Variants in ADAMTS17 observed in about 807,000 individuals in gnomAD.
ADAMTS17 encodes ADAM metallopeptidase with thrombospondin type 1 motif 17.
In ADAMTS17, 113 loss-of-function variants were observed where a neutral mutation model predicts 141.5. The observed-to-expected ratio is 0.80, with a 90% CI of 0.69 to 0.93. The LOEUF is 0.93. Ranked by LOEUF, ADAMTS17 falls within the 40% of genes least tolerant of loss-of-function variation. The probability of loss-of-function intolerance (pLI) is 0.00; values close to 1 mark genes in which losing one functional copy is unlikely to be tolerated. For synonymous variants in ADAMTS17, 768 were observed against 630.6 expected (o/e 1.22, Z -3.27); for missense variants, 1,659 against 1,517.9 (o/e 1.09, Z -1.54).
chr15:100,224,278 C>G (rs1357696735), intron 7 of ADAMTS17, among the ~76,000 whole-genome samples: 1 of 152,206 alleles, frequency 6.6e-6, no homozygotes, highest in African/African-American at 2.4e-5. Context: ...AGAGCAGAGA[C>G]AGAGCAAATG....
At chr15:100,058,179 CT>C in intron 15 of ADAMTS17, among the ~76,000 whole-genome samples, 1 of 48,856 alleles carries the variant, frequency 2.0e-5, no homozygotes. Context: ...CCTATCCCGG[CT>C]CTAACACCCC....
At chr15:100,224,651 T>C (rs2042241563) in intron 7 of ADAMTS17, among the ~76,000 whole-genome samples, 1 of 152,192 alleles carries the variant, frequency 6.6e-6, no homozygotes, top group Admixed American at 6.5e-5. Context: ...TCCCCAGTAC[T>C]CTCTCTGATC....
At chr15:100,334,963 G>A (rs1567550781) in intron 2 of ADAMTS17, among the ~76,000 whole-genome samples, 1 of 152,038 alleles carries the variant, frequency 6.6e-6, no homozygotes, top group Non-Finnish European at 1.5e-5. Context: ...TGCTCTAAGT[G>A]CTCCCCTCGT....
chr15:100,304,808 A>AT (rs2045166634), intron 3 of ADAMTS17, among the ~76,000 whole-genome samples: 1 of 152,048 alleles, frequency 6.6e-6, no homozygotes, highest in Admixed American at 6.6e-5. Flanking sequence ...TTATACATGG[A>AT]TTTTCACCTC....
At chr15:100,316,208 C>T (rs927832279) in intron 3 of ADAMTS17, among the ~76,000 whole-genome samples, 1 of 152,198 alleles carries the variant, frequency 6.6e-6, no homozygotes, top group African/African-American at 2.4e-5. Flanking sequence ...AGGATGCCCT[C>T]CTGAGGTACC....
intron 18 of ADAMTS17, among the ~76,000 whole-genome samples, chr15:100,034,973 G>T (rs936125255): frequency 1.3e-5 from 2 of 152,172 alleles, no homozygotes; most frequent in Non-Finnish European, 2.9e-5. Context: ...GAGCTGGAAG[G>T]CCACCTTCCT....
intron 8 of ADAMTS17, among the ~76,000 whole-genome samples, chr15:100,188,601 T>C (rs2040808019): frequency 6.6e-6 from 1 of 152,200 alleles, no homozygotes; most frequent in South Asian, 2.1e-4. Flanking sequence ...TTTGATGTGC[T>C]CAAGTTTAGC....
intron 15 of ADAMTS17, 34 bp downstream of exon 15, chr15:100,096,322 T>C (rs1266302284): frequency 1.2e-6 from 2 of 1,611,272 alleles, no homozygotes; most frequent in East Asian, 2.2e-5. Flanking sequence ...CACAAAACAC[T>C]GTAGCCACAG....
At chr15:100,037,432 A>G (rs1174406024) in intron 18 of ADAMTS17, among the ~76,000 whole-genome samples, 1 of 146,482 alleles carries the variant, frequency 6.8e-6, no homozygotes, top group Non-Finnish European at 1.5e-5. Context: ...TCTTTTTGAG[A>G]CAGAGTCTCA....
intron 15 of ADAMTS17, among the ~76,000 whole-genome samples, chr15:100,064,410 G>T (rs551811494): frequency 6.6e-6 from 1 of 152,158 alleles, no homozygotes. Context: ...CATAGCAAAA[G>T]AATATAGCCT....
At chr15:99,980,562 C>G (rs1012215931) in intron 20 of ADAMTS17, 1 of 152,236 alleles carries the variant, frequency 6.6e-6, no homozygotes, top group African/African-American at 2.4e-5. Flanking sequence ...ATGGAGGAAC[C>G]CGCCTCACTC....
At chr15:100,329,857 TAAC>T (rs1303105095) in intron 3 of ADAMTS17, among the ~76,000 whole-genome samples, 1 of 152,206 alleles carries the variant, frequency 6.6e-6, no homozygotes, top group African/African-American at 2.4e-5. Context: ...TGTTTACAAA[TAAC>T]AAGGTAATTC....
At chr15:100,323,627 A>C (rs2045803579) in intron 3 of ADAMTS17, among the ~76,000 whole-genome samples, 1 of 152,152 alleles carries the variant, frequency 6.6e-6, no homozygotes, top group Non-Finnish European at 1.5e-5. Flanking sequence ...AAAAGGAATA[A>C]AGGAAAAAAA....
chr15:100,233,417 G>C (rs999159611), intron 7 of ADAMTS17, among the ~76,000 whole-genome samples: 3 of 152,102 alleles, frequency 2.0e-5, no homozygotes, highest in Non-Finnish European at 2.9e-5. Context: ...GTCACAAACG[G>C]AACTGGAAAT....
chr15:100,126,864 G>T (rs1465604047), intron 12 of ADAMTS17, among the ~76,000 whole-genome samples: 1 of 152,220 alleles, frequency 6.6e-6, no homozygotes, highest in African/African-American at 2.4e-5. Flanking sequence ...CAGCTCAAAG[G>T]CCAGTGGGGA....
At chr15:100,201,616 A>T (rs1292745932) in intron 7 of ADAMTS17, among the ~76,000 whole-genome samples, 2 of 152,246 alleles carry the variant, frequency 1.3e-5, no homozygotes, top group East Asian at 3.8e-4. Context: ...CACTGGGCCC[A>T]GGTACCTCAT....
At position 100,341,917 on chromosome 15, in the gene ADAMTS17, GC is replaced by G. The variant is rs150933882; in HGVS notation, c.-19del. On this transcript the variant is annotated 5_prime_UTR_variant, in exon 1 of 22. Coordinates refer to ENST00000268070, the MANE Select transcript of ADAMTS17 (RefSeq NM_139057.4). Reference sequence around the variant, plus strand: ...TCACACATGGTACCCGGGACCGGCAGCCCCCCCGGACCGTGGCGGCGAAGCA... The same window carrying G: ...TCACACATGGTACCCGGGACCGGCAGCCCCCCGGACCGTGGCGGCGAAGCA... 145,551 of 1,548,710 alleles carry G rather than the reference GC, an allele frequency of 0.094. 10,159 individuals are homozygous for G. The highest frequency in any genetic ancestry group is 0.3 in the Admixed American group (15,427 of 50,958).
In ADAMTS17 at chr15:100,122,268, T is replaced by G. The variant is rs112504339; in HGVS notation, c.1722-5255A>C. 2.7e-3 allele frequency among the ~76,000 whole-genome samples: 411 copies of G among 152,344 alleles called. 2 individuals carry two copies. Among genetic ancestry groups the G allele is most frequent in the African/African-American group, 9.3e-3 (386 of 41,574 alleles). ...TCCAACCACCTGTTATAGCTAATAT[T>G]TCCTTGAACTTTCCCTGATTTAAAA... is the stretch of plus-strand genomic sequence containing the variant. On this transcript the variant is annotated intron_variant, in intron 12 of 21. Transcript: ENST00000268070.
intron 3 of ADAMTS17, among the ~76,000 whole-genome samples, chr15:100,287,221 A>T (rs145625179): frequency 6.6e-6 from 1 of 152,328 alleles, no homozygotes; most frequent in East Asian, 1.9e-4. Context: ...ATGGAGCTGA[A>T]AATCTCACTA....
Sources: gnomAD v4.1 joint callset for allele counts (sites outside exome capture counted in the v4.1 genomes callset) on GRCh38, gnomAD v4.1.1 for gene constraint, MANE v1.5 for transcripts, NCBI Gene and HGNC (gene_info 2026-07-23, HGNC 2026-07-21) for gene names.